The following GRM7 variants were observed in gnomAD, a reference collection of about 807,000 sequenced individuals.
GRM7 encodes the protein metabotropic glutamate receptor 7.
GRM7 carries 35 observed loss-of-function variants against 84.5 expected under a neutral mutation model. The ratio of observed to expected loss-of-function variants is 0.41; its 90% confidence interval spans 0.32 to 0.55. GRM7 has a LOEUF of 0.55. GRM7 is among the 20% of genes least tolerant of loss of function. GRM7 has a pLI of 0.19. For synonymous variants in GRM7, 487 were observed against 455.1 expected (o/e 1.07, Z -0.89); for missense variants, 1,003 against 1,194.6 (o/e 0.84, Z 2.36).
At chr3:6,921,687 C>T (rs1185440618) in intron 1 of GRM7, among the ~76,000 whole-genome samples, 6 of 151,976 alleles carry the variant, frequency 3.9e-5, no homozygotes, top group East Asian at 3.9e-4. Context: ...AATAGACCTC[C>T]GAAATGGGTG....
intron 4 of GRM7, among the ~76,000 whole-genome samples, chr3:7,395,397 C>G (rs995783215): frequency 2.6e-5 from 4 of 152,066 alleles, no homozygotes; most frequent in African/African-American, 9.7e-5. Context: ...ATTTGCTTTT[C>G]CAACTCTAGT....
At chr3:7,116,386 C>G (rs957746345) in intron 1 of GRM7, among the ~76,000 whole-genome samples, 1 of 152,116 alleles carries the variant, frequency 6.6e-6, no homozygotes. Context: ...ATAAAACCAT[C>G]TGTCATTATG....
chr3:7,558,959 T>A lies in GRM7; in HGVS notation c.1516-19463T>A, dbSNP rs369091823. Reference sequence around the variant, plus strand: ...AAGCATAACCAGCAAAGTGGCTAATTTTCCTGTGAGAAGATGTCAATTAAC... The same window carrying A: ...AAGCATAACCAGCAAAGTGGCTAATATTCCTGTGAGAAGATGTCAATTAAC... On this transcript the variant is annotated intron_variant, in intron 7 of 9. Coordinates refer to ENST00000357716, the MANE Select transcript of GRM7 (RefSeq NM_000844.4). Among the ~76,000 whole-genome samples the A allele has an allele frequency of 9.1e-4, 138 of 152,270 alleles. 3 individuals carry two copies. In the South Asian group the frequency reaches 0.022, roughly 24 times the overall value.
intron 1 of GRM7, among the ~76,000 whole-genome samples, chr3:7,099,193 T>TAC (rs1698963998): frequency 6.7e-6 from 1 of 149,822 alleles, no homozygotes; most frequent in Non-Finnish European, 1.5e-5. Context: ...CATATATATA[T>TAC]ATACGTATTA....
At chr3:7,455,906 G>A (rs767882695) in intron 6 of GRM7, among the ~76,000 whole-genome samples, 3 of 151,668 alleles carry the variant, frequency 2.0e-5, no homozygotes, top group Admixed American at 1.3e-4. Flanking sequence ...CATTTAAAAC[G>A]CACAACATTG....
intron 1 of GRM7, among the ~76,000 whole-genome samples, chr3:7,055,477 C>CTGTGTGTG (rs148298277): frequency 1.3e-4 from 18 of 143,670 alleles, no homozygotes; most frequent in African/African-American, 4.3e-4. Context: ...TTTTATATAT[C>CTGTGTGTG]TGTGTGTGTG....
chr3:7,048,088 A>G (rs140991240), intron 1 of GRM7, among the ~76,000 whole-genome samples: 28 of 152,110 alleles, frequency 1.8e-4, no homozygotes, highest in Middle Eastern at 3.4e-3. Flanking sequence ...TAGCACATTG[A>G]GTTTTTAGAA....
intron 9 of GRM7, among the ~76,000 whole-genome samples, chr3:7,711,205 G>A (rs1264613168): frequency 6.6e-6 from 1 of 152,182 alleles, no homozygotes; most frequent in East Asian, 1.9e-4. Flanking sequence ...TCAAGATAGA[G>A]TGTGGCTGGG....
At chr3:7,045,710 C>T (rs1002590903) in intron 1 of GRM7, among the ~76,000 whole-genome samples, 5 of 152,068 alleles carry the variant, frequency 3.3e-5, no homozygotes, top group African/African-American at 4.8e-5. Flanking sequence ...TCACAGATAG[C>T]AAGATCTCCA....
intron 1 of GRM7, among the ~76,000 whole-genome samples, chr3:7,099,838 T>C (rs1240430): frequency 0.022 from 3,003 of 135,834 alleles, 490 homozygotes; most frequent in Non-Finnish European, 0.034. Context: ...CATGTATATG[T>C]ACACGCATTA....
chr3:7,572,910 C>G (rs1401217495), intron 7 of GRM7, among the ~76,000 whole-genome samples: 96 of 128,262 alleles, frequency 7.5e-4, no homozygotes, highest in Non-Finnish European at 1.3e-3. Context: ...ATAATTCTTT[C>G]TATGTGGAGT....
At chr3:7,425,201 T>C (rs1696557156) in intron 5 of GRM7, among the ~76,000 whole-genome samples, 8 of 152,192 alleles carry the variant, frequency 5.3e-5, no homozygotes, top group Admixed American at 5.2e-4. Context: ...GATTGATCCC[T>C]TTTGGTCCGC....
chr3:7,464,865 G>A (rs145877869), intron 7 of GRM7, among the ~76,000 whole-genome samples: 14 of 151,002 alleles, frequency 9.3e-5, no homozygotes, highest in East Asian at 2.0e-4. Context: ...GCATGGTGGC[G>A]CACACCTGTA....
chr3:7,645,287 G>C lies in GRM7; in HGVS notation c.2452-34762G>C, dbSNP rs3792444. On this transcript the variant is annotated intron_variant, in intron 8 of 9. Transcript: ENST00000357716. Reference sequence around the variant, plus strand: ...CAGTTGGCTGGGCACAGTGGCTCACGCCTGTAATCCCAGCACTTTGGGAGG... The same window carrying C: ...CAGTTGGCTGGGCACAGTGGCTCACCCCTGTAATCCCAGCACTTTGGGAGG... Among the ~76,000 whole-genome samples the C allele has an allele frequency of 3.3e-5, 5 of 151,904 alleles. No homozygotes were observed. The South Asian group carries it at 1.0e-3, about 32-fold the overall frequency.
intron 1 of GRM7, among the ~76,000 whole-genome samples, chr3:6,896,176 C>G (rs1328226042): frequency 6.6e-6 from 1 of 152,074 alleles, no homozygotes; most frequent in African/African-American, 2.4e-5. Context: ...CTGTGCTGTG[C>G]TGTTGCAATG....
intron 1 of GRM7, among the ~76,000 whole-genome samples, chr3:6,927,247 G>A (rs912789163): frequency 6.6e-6 from 1 of 152,008 alleles, no homozygotes; most frequent in East Asian, 1.9e-4. Flanking sequence ...GGCCAACATG[G>A]TGAAACCTTG....
At chr3:7,327,670 C>A (rs553184741) in intron 4 of GRM7, among the ~76,000 whole-genome samples, 1 of 152,278 alleles carries the variant, frequency 6.6e-6, no homozygotes, top group East Asian at 1.9e-4. Context: ...GATTTTCACA[C>A]CAACTTTTGC....
At chr3:7,553,694 T>G (rs1443744704) in intron 7 of GRM7, among the ~76,000 whole-genome samples, 1 of 152,094 alleles carries the variant, frequency 6.6e-6, no homozygotes, top group Non-Finnish European at 1.5e-5. Context: ...CCATCAGATC[T>G]CATGAGAATG....
intron 4 of GRM7, among the ~76,000 whole-genome samples, chr3:7,380,584 A>T (rs1694549194): frequency 6.6e-6 from 1 of 152,208 alleles, no homozygotes. Context: ...AAATCAATGA[A>T]TTAACTGTTT....
Sources: allele counts gnomAD v4.1 joint callset (sites outside exome capture counted in the v4.1 genomes callset), GRCh38; gene constraint gnomAD v4.1.1; transcripts MANE v1.5; gene names NCBI Gene and HGNC (gene_info 2026-07-23, HGNC 2026-07-21).